Variants in COP1 observed in about 807,000 individuals in gnomAD.
COP1 encodes the protein COP1 E3 ubiquitin ligase.
COP1 carries 24 observed loss-of-function variants against 101.3 expected under a neutral mutation model. That is an observed-to-expected ratio of 0.24 (90% CI 0.17 to 0.33). COP1 has a LOEUF of 0.33. COP1 is among the 10% of genes least tolerant of loss of function. The pLI is 1.00. For synonymous variants in COP1, 347 were observed against 341.9 expected, an observed-to-expected ratio of 1.01 and a Z score of -0.17; for missense variants, 663 against 906.2, an observed-to-expected ratio of 0.73 and a Z score of 3.45.
chr1:176,115,165 G>A (rs1416057776), intron 9 of COP1, among the ~76,000 whole-genome samples: 12 of 152,124 alleles, frequency 7.9e-5, no homozygotes, highest in Admixed American at 7.2e-4. Flanking sequence ...GTTAAAAAAC[G>A]TGGCCGGGAG....
rs532364865 is a variant in COP1, at chr1:176,162,833, C to A, written c.762+36G>T. The A allele has an allele frequency of 2.1e-5, 32 of 1,547,404 alleles. No homozygotes were observed. The African/African-American group carries it at 3.7e-4, about 18-fold the overall frequency. On this transcript the variant is annotated intron_variant, in intron 5 of 19. Transcript: ENST00000367669. ...TCTTTTTTATTGCAATAAAGTTCAT[C>A]ATTTAAAATTTTTTTTAAGTTTAGC... is the stretch of plus-strand genomic sequence containing the variant.
chr1:176,161,001 G>T (rs1456980944), intron 5 of COP1, among the ~76,000 whole-genome samples: 1 of 152,162 alleles, frequency 6.6e-6, no homozygotes, highest in Non-Finnish European at 1.5e-5. Flanking sequence ...ACCACTCATT[G>T]TTTTCAGCCT....
chr1:176,173,931 G>A (rs1222212263), intron 3 of COP1, among the ~76,000 whole-genome samples: 2 of 133,910 alleles, frequency 1.5e-5, no homozygotes, highest in African/African-American at 5.5e-5. Context: ...AGGCTGCAGT[G>A]AGCCGAGATC....
intron 8 of COP1, among the ~76,000 whole-genome samples, chr1:176,121,533 A>G (rs1687118910): frequency 6.6e-6 from 1 of 151,838 alleles, no homozygotes; most frequent in Non-Finnish European, 1.5e-5. Context: ...TTATGTTTTT[A>G]GAGGTACGAT....
chr1:175,969,905 C>A (rs1170109280), intron 18 of COP1, among the ~76,000 whole-genome samples: 1 of 152,092 alleles, frequency 6.6e-6, no homozygotes, highest in Non-Finnish European at 1.5e-5. Context: ...TTAGTACTGT[C>A]AGTATCACAG....
chr1:176,073,788 T>C (rs552443370), intron 11 of COP1, among the ~76,000 whole-genome samples: 14 of 152,280 alleles, frequency 9.2e-5, no homozygotes, highest in African/African-American at 1.7e-4. Flanking sequence ...GGAAGAAAAA[T>C]ACGTTTCTGG....
At chr1:175,974,506 A>C (rs10798427) in intron 18 of COP1, among the ~76,000 whole-genome samples, 114,360 of 152,034 alleles carry the variant, frequency 0.75, 44,913 homozygotes, top group East Asian at 0.92. Context: ...ATTAAACCAG[A>C]CTCAGGTACG....
intron 8 of COP1, among the ~76,000 whole-genome samples, chr1:176,127,854 C>T (rs932410099): frequency 8.6e-5 from 13 of 152,034 alleles, no homozygotes; most frequent in Non-Finnish European, 1.8e-4. Context: ...ATTTACAATA[C>T]CACCAACAGT....
intron 11 of COP1, among the ~76,000 whole-genome samples, chr1:176,050,497 A>G (rs1324855083): frequency 6.6e-6 from 1 of 152,236 alleles, no homozygotes; most frequent in Non-Finnish European, 1.5e-5. Flanking sequence ...ATATAAAGTA[A>G]GAGCAGTTGT....
In COP1 at chr1:175,951,437, A is replaced by AATATATATATAT. The variant is rs765055146; in HGVS notation, c.2134-4210_2134-4199dup. ...AATGTATTTAAATATAAGATACGTG[A>AATATATATATAT]ATATATATATATATATATATATATA... On this transcript the variant is annotated intron_variant, in intron 18 of 19. Transcript: ENST00000367669. Among the ~76,000 whole-genome samples the AATATATATATAT allele has an allele frequency of 2.8e-3, 303 of 107,994 alleles. 4 individuals are homozygous for AATATATATATAT. The highest frequency in any genetic ancestry group is 0.013 in the Middle Eastern group (3 of 240). 70.8% of individuals were successfully genotyped at this position (107,994 alleles called of 152,430 possible).
At chr1:175,953,794 T>C (rs1252338378) in intron 18 of COP1, among the ~76,000 whole-genome samples, 1 of 150,754 alleles carries the variant, frequency 6.6e-6, no homozygotes, top group African/African-American at 2.4e-5. Context: ...TATATACATA[T>C]ATATCTAAAA....
chr1:176,155,193 C>A (rs1032447025), intron 5 of COP1, among the ~76,000 whole-genome samples: 1 of 151,886 alleles, frequency 6.6e-6, no homozygotes, highest in Non-Finnish European at 1.5e-5. Context: ...AGGGATAAAT[C>A]AAAAAATGCG....
chr1:176,053,017 A>C (rs1672839461), intron 11 of COP1, among the ~76,000 whole-genome samples: 1 of 152,130 alleles, frequency 6.6e-6, no homozygotes. Flanking sequence ...GGAAAAAAAA[A>C]ACCCCTTCTA....
At chr1:176,018,982 G>A (rs781755055) in intron 15 of COP1, among the ~76,000 whole-genome samples, 7 of 151,538 alleles carry the variant, frequency 4.6e-5, no homozygotes, top group Non-Finnish European at 7.4e-5. Flanking sequence ...CCTGGCCAAC[G>A]TGGTGAAACT....
intron 15 of COP1, among the ~76,000 whole-genome samples, chr1:175,998,368 G>C (rs1302232016): frequency 6.7e-6 from 1 of 150,126 alleles, no homozygotes; most frequent in African/African-American, 2.4e-5. Context: ...GCTAAATGAC[G>C]AATTAATGGA....
chr1:175,972,057 C>T (rs753968983), intron 18 of COP1, among the ~76,000 whole-genome samples: 2 of 152,166 alleles, frequency 1.3e-5, no homozygotes, highest in Non-Finnish European at 2.9e-5. Context: ...GGGATCTTTG[C>T]TTCTCCCATG....
chr1:175,968,362 C>T (rs200826998), intron 18 of COP1: 9 of 475,588 alleles, frequency 1.9e-5, no homozygotes, highest in Non-Finnish European at 3.8e-5. Context: ...AATAAAATGG[C>T]AAGGAAACCA....
intron 1 of COP1, among the ~76,000 whole-genome samples, chr1:176,185,646 G>A (rs1334383360): frequency 2.6e-5 from 4 of 152,244 alleles, no homozygotes; most frequent in Middle Eastern, 6.8e-3. Context: ...CTGATGCAGT[G>A]TTCAGAGATA....
At chr1:176,163,065 T>A in intron 4 of COP1, 77 bp from the exon 5 acceptor site, 1 of 1,396,150 alleles carries the variant, frequency 7.2e-7, no homozygotes, top group Non-Finnish European at 9.7e-7. Context: ...GTTTACTTGC[T>A]ACTTCCTAAT....
Sources: gnomAD v4.1 joint callset for allele counts (sites outside exome capture counted in the v4.1 genomes callset) on GRCh38, gnomAD v4.1.1 for gene constraint, MANE v1.5 for transcripts, NCBI Gene and HGNC (gene_info 2026-07-23, HGNC 2026-07-21) for gene names.